ZBTB44: variants seen among roughly 807,000 people sequenced by gnomAD.
ZBTB44 encodes zinc finger and BTB domain containing 44.
ZBTB44 carries 15 observed loss-of-function variants against 54.0 expected under a neutral mutation model. The observed-to-expected ratio is 0.28, with a 90% confidence interval of 0.19 to 0.43. The LOEUF (loss-of-function observed/expected upper bound fraction) is 0.43. Among genes scored for constraint, ZBTB44 ranks in the 20% least tolerant of loss-of-function variants. The pLI, the probability that ZBTB44 is intolerant of heterozygous loss-of-function variation, is 1.00. For synonymous variants in ZBTB44, 230 were observed against 250.1 expected, an observed-to-expected ratio of 0.92 and a Z score of 0.76; for missense variants, 487 against 707.1, an observed-to-expected ratio of 0.69 and a Z score of 3.53.
intron 2 of ZBTB44, among the ~76,000 whole-genome samples, chr11:130,256,017 T>C (rs190321892): frequency 1.3e-5 from 2 of 151,858 alleles, no homozygotes; most frequent in Admixed American, 1.3e-4. Context: ...AGCTGAATTC[T>C]ACCAAAGGTA....
chr11:130,274,249 C>G (rs1045839475), intron 1 of ZBTB44, among the ~76,000 whole-genome samples: 5 of 152,110 alleles, frequency 3.3e-5, no homozygotes, highest in African/African-American at 1.2e-4. Context: ...TGCACTTTGG[C>G]GCATTTCAAA....
rs1366316434 is a variant in ZBTB44, at chr11:130,295,104, C to T, written c.-57+19271G>A. ...CTCACCTGCCAATGAAAAACTCCTG[C>T]GCAAGAAGATCAAGAAGCAGAAACT... On this transcript the variant is annotated intron_variant, in intron 1 of 7. Coordinates refer to ENST00000357899, the MANE Select transcript of ZBTB44 (RefSeq NM_001301098.2). Among the ~76,000 whole-genome samples the T allele has an allele frequency of 3.3e-5, 5 of 152,110 alleles. No individual in the cohort carries two copies. In the East Asian group the frequency reaches 7.8e-4, roughly 24 times the overall value.
chr11:130,235,889 C>G (rs1382575684), intron 5 of ZBTB44, among the ~76,000 whole-genome samples: 1 of 151,238 alleles, frequency 6.6e-6, no homozygotes, highest in African/African-American at 2.4e-5. Flanking sequence ...GTAATCCCAG[C>G]TACTCAGGAG....
rs1953791404 is a variant in ZBTB44, at chr11:130,229,326, T to C, written c.*2438A>G. 1 of 152,166 alleles carries C rather than the reference T, an allele frequency of 6.6e-6. No homozygotes were observed. Among genetic ancestry groups the C allele is most frequent in the African/African-American group, 2.4e-5 (1 of 41,454 alleles). 9.4% of individuals were successfully genotyped at this position (152,166 alleles called of 1,614,324 possible). On this transcript the variant is annotated 3_prime_UTR_variant, in exon 8 of 8. Coordinates refer to ENST00000357899, the MANE Select transcript of ZBTB44 (RefSeq NM_001301098.2). ...GTACTACAAGTCTTCATCCCATAAC[T>C]GACACAGGCTTAACCCCCCATAAAT... is the stretch of plus-strand genomic sequence containing the variant.
chr11:130,275,939 T>G (rs2134230427), intron 1 of ZBTB44, among the ~76,000 whole-genome samples: 1 of 149,040 alleles, frequency 6.7e-6, no homozygotes, highest in South Asian at 2.3e-4. Context: ...TGCATTAAAA[T>G]CTATTGGCCA....
At chr11:130,245,694 T>C (rs996200546) in intron 2 of ZBTB44, among the ~76,000 whole-genome samples, 2 of 151,846 alleles carry the variant, frequency 1.3e-5, no homozygotes, top group Non-Finnish European at 2.9e-5. Flanking sequence ...CCAAGAAGAC[T>C]GGCATCGGCT....
At chr11:130,297,888 TCAGAAGA>T (rs1941747081) in intron 1 of ZBTB44, among the ~76,000 whole-genome samples, 2 of 152,194 alleles carry the variant, frequency 1.3e-5, no homozygotes, top group Admixed American at 6.5e-5. Flanking sequence ...TCACAGATTG[TCAGAAGA>T]GATAAAAGCA....
chr11:130,300,334 C>CCACACACACA (rs113216312), intron 1 of ZBTB44, among the ~76,000 whole-genome samples: 1 of 150,494 alleles, frequency 6.6e-6, no homozygotes, highest in Admixed American at 6.6e-5. Flanking sequence ...GTGTATTTCA[C>CCACACACACA]CACACACACA....
At chr11:130,235,967 C>CAA (rs573886694) in intron 5 of ZBTB44, 1,093 of 598,056 alleles carry the variant, frequency 1.8e-3, no homozygotes, top group Middle Eastern at 3.3e-3. Context: ...GACTCCATCT[C>CAA]AAAAAAAAAA....
chr11:130,302,601 C>A (rs560870717), intron 1 of ZBTB44, among the ~76,000 whole-genome samples: 19 of 152,086 alleles, frequency 1.2e-4, no homozygotes, highest in Admixed American at 3.3e-4. Context: ...AAAAGTAAAA[C>A]CCAGGAAAAA....
At chr11:130,253,795 C>A (rs1037962113) in intron 2 of ZBTB44, among the ~76,000 whole-genome samples, 7 of 151,808 alleles carry the variant, frequency 4.6e-5, no homozygotes, top group Admixed American at 2.0e-4. Flanking sequence ...AAGCTGGAGG[C>A]ACCACACTAC....
chr11:130,233,594 G>C (rs1428873831), intron 6 of ZBTB44: 1 of 1,341,806 alleles, frequency 7.5e-7, no homozygotes, highest in Admixed American at 3.6e-5. Flanking sequence ...TATCTACTCA[G>C]GCCATTTGTC....
At chr11:130,246,228 T>C (rs189855445) in intron 2 of ZBTB44, among the ~76,000 whole-genome samples, 15 of 152,332 alleles carry the variant, frequency 9.8e-5, no homozygotes, top group African/African-American at 3.4e-4. Flanking sequence ...ATCATATGAA[T>C]TGGAATTTCA....
chr11:130,235,123 T>A (rs199966308), intron 5 of ZBTB44, among the ~76,000 whole-genome samples: 2 of 152,258 alleles, frequency 1.3e-5, no homozygotes, highest in Non-Finnish European at 2.9e-5. Context: ...TATACCATAA[T>A]TGTCAATAAT....
chr11:130,297,044 G>A, intron 1 of ZBTB44: 2 of 673,722 alleles, frequency 3.0e-6, no homozygotes, highest in Non-Finnish European at 5.4e-6. Context: ...ATAGCAGGCA[G>A]CTCTCTCATT....
chr11:130,250,987 C>T (rs1937950782), intron 2 of ZBTB44, among the ~76,000 whole-genome samples: 1 of 152,170 alleles, frequency 6.6e-6, no homozygotes, highest in Non-Finnish European at 1.5e-5. Context: ...TAATAACAAA[C>T]TCCTCTCCAC....
chr11:130,240,923 T>C (rs1954334301), intron 2 of ZBTB44, among the ~76,000 whole-genome samples: 1 of 152,220 alleles, frequency 6.6e-6, no homozygotes, highest in East Asian at 1.9e-4. Context: ...CATTTTGCCT[T>C]TAAAGGAAAG....
rs59112840 is a variant in ZBTB44, at chr11:130,276,242, A to AAAAAAAAAAAAAAAAAAAAAAAG, written c.-56-14314_-56-14313insCTTTTTTTTTTTTTTTTTTTTTT. On this transcript the variant is annotated intron_variant, in intron 1 of 7. Coordinates refer to ENST00000357899, the MANE Select transcript of ZBTB44 (RefSeq NM_001301098.2). ...CGTGAAACTCTGTCTCAAAAAAAAA[A>AAAAAAAAAAAAAAAAAAAAAAAG]AAAAGAAAAAAGAAATCAGAGGTTT... Among the ~76,000 whole-genome samples, 226 of 94,390 alleles carry AAAAAAAAAAAAAAAAAAAAAAAG rather than the reference A, an allele frequency of 2.4e-3. 12 individuals are homozygous for AAAAAAAAAAAAAAAAAAAAAAAG. Among genetic ancestry groups the AAAAAAAAAAAAAAAAAAAAAAAG allele is most frequent in the African/African-American group, 6.5e-3 (178 of 27,390 alleles). The allele number at this position is 94,390 out of a possible 152,430, so 61.9% of individuals were successfully genotyped here.
rs376319486 is a variant in ZBTB44, at chr11:130,238,793, GTTTT to G, written c.1104-190_1104-187del. 3 of 498,178 alleles carry G rather than the reference GTTTT, an allele frequency of 6.0e-6. No homozygotes were observed. In the South Asian group the frequency reaches 1.1e-4, roughly 19 times the overall value. 30.9% of individuals were successfully genotyped at this position (498,178 alleles called of 1,614,324 possible). A position where few individuals can be genotyped will look rare whatever the true frequency, so the allele number is the denominator to read the frequency against. ...AATGTTAATGTCCAGAATGCCTTTT[GTTTT>G]TTTTTTTTATTTTTTGAGACGGAGT... is the stretch of plus-strand genomic sequence containing the variant. On this transcript the variant is annotated intron_variant, in intron 3 of 7. Transcript: ENST00000357899.
Sources: gnomAD v4.1 joint callset for allele counts (sites outside exome capture counted in the v4.1 genomes callset) on GRCh38, gnomAD v4.1.1 for gene constraint, MANE v1.5 for transcripts, NCBI Gene and HGNC (gene_info 2026-07-23, HGNC 2026-07-21) for gene names.